Variants in PLEKHO2 observed in about 807,000 individuals in gnomAD.
PLEKHO2 encodes pleckstrin homology domain-containing family O member 2.
PLEKHO2 carries 20 observed loss-of-function variants against 32.7 expected under a neutral mutation model. The ratio of observed to expected loss-of-function variants is 0.61; its 90% CI spans 0.43 to 0.89. The LOEUF (loss-of-function observed/expected upper bound fraction) is 0.89, where lower values mean the gene tolerates loss of function less well. Among genes scored for constraint, PLEKHO2 ranks in the 40% least tolerant of loss-of-function variants. The pLI, the probability that PLEKHO2 is intolerant of heterozygous loss-of-function variation, is 0.00. For missense variants in PLEKHO2, 568 were observed against 621.2 expected (o/e 0.91, Z 0.91); for synonymous variants, 247 against 246.3 (o/e 1.00, Z -0.03).
intron 5 of PLEKHO2, among the ~76,000 whole-genome samples, chr15:64,863,072 G>A (rs900851337): frequency 6.6e-5 from 10 of 151,626 alleles, no homozygotes; most frequent in Non-Finnish European, 1.5e-4. Context: ...CGAGTAGCTG[G>A]GATTACAGGC....
intron 1 of PLEKHO2, among the ~76,000 whole-genome samples, chr15:64,844,400 A>G (rs930002874): frequency 2.6e-5 from 4 of 152,180 alleles, no homozygotes; most frequent in African/African-American, 9.7e-5. Flanking sequence ...GTGATCGAGC[A>G]ATGTGATGAT....
rs1453442632 is a variant in PLEKHO2 at position 64,864,885 on chromosome 15, A to T, written c.484-14A>T. On this transcript the variant is annotated splice_polypyrimidine_tract_variant and intron_variant, in intron 5 of 5. Coordinates refer to ENST00000323544, the MANE Select transcript of PLEKHO2 (RefSeq NM_025201.5). The stretch of plus-strand genomic sequence containing the variant: ...TCAGCCAAGATGACACCCATATACC[A>T]TCCCCCCCACCAGGTGGCCAGTGCA... 1 of 1,546,930 alleles carries T rather than the reference A, an allele frequency of 6.5e-7. No individual in the cohort carries two copies. The highest frequency in any genetic ancestry group is 8.7e-7 in the Non-Finnish European group (1 of 1,154,074).
chr15:64,849,075 AG>A (rs2084545825), intron 2 of PLEKHO2, among the ~76,000 whole-genome samples: 1 of 14,698 alleles, frequency 6.8e-5, no homozygotes, highest in Non-Finnish European at 1.0e-4. Context: ...GCCTGGTTCA[AG>A]CAAAGCAATT....
chr15:64,847,753 G>A (rs758042036), intron 1 of PLEKHO2, among the ~76,000 whole-genome samples: 5 of 152,206 alleles, frequency 3.3e-5, no homozygotes, highest in Non-Finnish European at 7.3e-5. Context: ...GTCAAAGACA[G>A]AGTCCTTGGA....
chr15:64,844,408 G>T (rs1432025511), intron 1 of PLEKHO2, among the ~76,000 whole-genome samples: 2 of 152,212 alleles, frequency 1.3e-5, no homozygotes, highest in Non-Finnish European at 2.9e-5. Flanking sequence ...GCAATGTGAT[G>T]ATGTATATTC....
At chr15:64,854,553 ATTC>A (rs962604097) in intron 2 of PLEKHO2, among the ~76,000 whole-genome samples, 2 of 152,160 alleles carry the variant, frequency 1.3e-5, no homozygotes, top group Non-Finnish European at 2.9e-5. Flanking sequence ...GGCATCCTGC[ATTC>A]TTCTTCTGGC....
intron 5 of PLEKHO2, among the ~76,000 whole-genome samples, chr15:64,864,207 T>C (rs1463724494): frequency 1.3e-5 from 2 of 152,072 alleles, no homozygotes; most frequent in South Asian, 2.1e-4. Context: ...GATATCCCTA[T>C]TGGTCCCTGG....
intron 4 of PLEKHO2, 68 bp downstream of exon 4, chr15:64,860,066 G>C: frequency 7.0e-7 from 1 of 1,423,136 alleles, no homozygotes; most frequent in South Asian, 1.2e-5. Context: ...TCTAGGAGAG[G>C]ACCCTGCCCC....
In PLEKHO2 at chr15:64,848,581, G is replaced by A. The variant is rs760849478; in HGVS notation, c.13-12G>A. On this transcript the variant is annotated splice_polypyrimidine_tract_variant and intron_variant, in intron 1 of 5. Transcript: ENST00000323544. ...AGCAACCCTCATGGTATGAACTGGT[G>A]CTGTGTTACAGGGTGTGAAGGAAGC... 6.2e-7 allele frequency: 1 copy of A among 1,614,108 alleles called. No homozygotes were observed. The highest frequency in any genetic ancestry group is 1.7e-5 in the Admixed American group (1 of 60,016).
At chr15:64,856,097 G>A (rs1321224353) in intron 3 of PLEKHO2, among the ~76,000 whole-genome samples, 2 of 152,132 alleles carry the variant, frequency 1.3e-5, no homozygotes, top group Non-Finnish European at 2.9e-5. Flanking sequence ...TAATTATAGT[G>A]TTATGAGGGC....
At chr15:64,843,380 C>T (rs1595826226) in intron 1 of PLEKHO2, among the ~76,000 whole-genome samples, 1 of 152,208 alleles carries the variant, frequency 6.6e-6, no homozygotes, top group African/African-American at 2.4e-5. Flanking sequence ...GGGCTGCCAT[C>T]TGCCTGCCCC....
chr15:64,862,965 A>G (rs2084653719), intron 5 of PLEKHO2, among the ~76,000 whole-genome samples: 1 of 111,090 alleles, frequency 9.0e-6, no homozygotes, highest in African/African-American at 3.5e-5. Context: ...TTTGAGATTG[A>G]GTCTCGCTCT....
rs1567097677 is a variant in PLEKHO2 at position 64,860,011 on chromosome 15, C to CT, written c.384+14dup. The CT allele has an allele frequency of 6.2e-7, 1 of 1,608,950 alleles. No individual in the cohort carries two copies. Among genetic ancestry groups the CT allele is most frequent in the Admixed American group, 1.7e-5 (1 of 60,008 alleles). ...GGCTTTCGATGAGGTGCGATGCAGT[C>CT]TGTGGACATGGACAGCTCTGTGTCT... On this transcript the variant is annotated intron_variant, in intron 4 of 5. Transcript: ENST00000323544.
At chr15:64,857,033 G>A (rs2084610647) in intron 3 of PLEKHO2, among the ~76,000 whole-genome samples, 3 of 152,222 alleles carry the variant, frequency 2.0e-5, no homozygotes, top group Admixed American at 1.3e-4. Flanking sequence ...CTGCCCATGA[G>A]GTCACAGGCA....
rs1484447011 is a variant in PLEKHO2 at position 64,867,574 on chromosome 15, C to G, written c.*1686C>G. 1.3e-5 allele frequency: 2 copies of G among 152,322 alleles called. No individual in the cohort carries two copies. The highest frequency in any genetic ancestry group is 2.4e-5 in the African/African-American group (1 of 41,460). 9.4% of individuals were successfully genotyped at this position (152,322 alleles called of 1,614,324 possible). ...TTGCCTTAGGAACAGCCTTCCCCCA[C>G]CAGCAGCCATGGCTGGCTGGGGCTT... On this transcript the variant is annotated 3_prime_UTR_variant, in exon 6 of 6. Coordinates refer to ENST00000323544, the MANE Select transcript of PLEKHO2 (RefSeq NM_025201.5).
intron 5 of PLEKHO2, among the ~76,000 whole-genome samples, chr15:64,863,503 CTGTGTGTGTGTGTGTTTG>C (rs1758205489): frequency 1.5e-5 from 2 of 137,040 alleles, no homozygotes; most frequent in South Asian, 5.1e-4. Context: ...CAGGGAGGCG[CTGTGTGTGTGTGTGTTTG>C]TGTGTGTGTG....
At chr15:64,863,658 G>C (rs2084660310) in intron 5 of PLEKHO2, among the ~76,000 whole-genome samples, 1 of 151,922 alleles carries the variant, frequency 6.6e-6, no homozygotes, top group Non-Finnish European at 1.5e-5. Flanking sequence ...GGGCATCGTG[G>C]CACATGCCTG....
At chr15:64,857,391 A>G (rs1389581779) in intron 3 of PLEKHO2, among the ~76,000 whole-genome samples, 1 of 152,142 alleles carries the variant, frequency 6.6e-6, no homozygotes, top group Non-Finnish European at 1.5e-5. Flanking sequence ...GCTGGAGTGT[A>G]GTGGCATTAT....
At chr15:64,857,499 TA>T (rs1395207571) in intron 3 of PLEKHO2, among the ~76,000 whole-genome samples, 1 of 152,208 alleles carries the variant, frequency 6.6e-6, no homozygotes, top group African/African-American at 2.4e-5. Context: ...CATGCCTGGC[TA>T]ATTTTCATAT....
Sources: gnomAD v4.1 joint callset for allele counts (sites outside exome capture counted in the v4.1 genomes callset) on GRCh38, gnomAD v4.1.1 for gene constraint, MANE v1.5 for transcripts, NCBI Gene and HGNC (gene_info 2026-07-23, HGNC 2026-07-21) for gene names.